RXFP1: variants seen among roughly 807,000 people sequenced by gnomAD.
RXFP1 encodes relaxin receptor 1.
RXFP1 carries 73 observed loss-of-function variants against 89.8 expected under a neutral mutation model. That is an observed-to-expected ratio of 0.81 (90% CI 0.67 to 0.99). The LOEUF (loss-of-function observed/expected upper bound fraction) is 0.99, where lower values mean the gene tolerates loss of function less well. Among genes scored for constraint, RXFP1 ranks in the 50% least tolerant of loss-of-function variants. RXFP1 has a pLI of 0.00. For synonymous variants in RXFP1, 277 were observed against 305.5 expected, an observed-to-expected ratio of 0.91 and a Z score of 0.97; for missense variants, 793 against 895.5, an observed-to-expected ratio of 0.89 and a Z score of 1.46.
intron 1 of RXFP1, among the ~76,000 whole-genome samples, chr4:158,532,967 T>C (rs750105186): frequency 6.6e-6 from 1 of 152,286 alleles, no homozygotes; most frequent in East Asian, 1.9e-4. Context: ...CCTTCTCCCT[T>C]CCCCTACAGA....
intron 10 of RXFP1, among the ~76,000 whole-genome samples, 160 bp downstream of exon 10, chr4:158,627,051 G>A (rs1766996607): frequency 6.6e-6 from 1 of 152,050 alleles, no homozygotes; most frequent in Non-Finnish European, 1.5e-5. Flanking sequence ...CTATAAGAAT[G>A]TTTATCCTTT....
At chr4:158,634,841 A>G (rs1380668282) in intron 12 of RXFP1, among the ~76,000 whole-genome samples, 2 of 152,180 alleles carry the variant, frequency 1.3e-5, no homozygotes, top group Non-Finnish European at 2.9e-5. Flanking sequence ...ATTTGACCAT[A>G]TATCTGTGAG....
Position 158,527,564 on chromosome 4 carries a change from A to AATATATAT in RXFP1, c.49+5546_49+5553dup, listed in dbSNP as rs1553989424. Among the ~76,000 whole-genome samples, 119 of 98,290 alleles carry AATATATAT rather than the reference A, an allele frequency of 1.2e-3. 4 individuals carry two copies. Among genetic ancestry groups the AATATATAT allele is most frequent in the East Asian group, 3.5e-3 (11 of 3,158 alleles). The allele number at this position is 98,290 out of a possible 152,430, so 64.5% of individuals were successfully genotyped here. On this transcript the variant is annotated intron_variant, in intron 1 of 17. Transcript: ENST00000307765. The stretch of plus-strand genomic sequence containing the variant: ...ATCTCCCCCGCTCCAAAAAAAAAAA[A>AATATATAT]ATATATATATATATGTATATATATA...
rs776534679 is a variant in RXFP1, at chr4:158,592,085, G to A, written c.188-1316G>A. ...GATCATTAGGAATTTTGTGAGAAAA[G>A]CTTCTTCCTTTTATCCCACAAATAA... On this transcript the variant is annotated intron_variant, in intron 2 of 17. Transcript: ENST00000307765. Among the ~76,000 whole-genome samples the A allele has an allele frequency of 5.9e-5, 9 of 152,176 alleles. No individual in the cohort carries two copies. The South Asian group carries it at 1.7e-3, about 28-fold the overall frequency.
intron 1 of RXFP1, among the ~76,000 whole-genome samples, chr4:158,552,863 A>G (rs1380420889): frequency 6.6e-6 from 1 of 152,198 alleles, no homozygotes; most frequent in Non-Finnish European, 1.5e-5. Context: ...AGATTTCCAA[A>G]ACTTCAAAAG....
Position 158,602,808 on chromosome 4 carries a change from C to T in RXFP1, c.393-2260C>T, listed in dbSNP as rs375843924. ...TCACTCTGTCGCCCAGGCTAGAGCG[C>T]AGTGGCGCGATCTTGGCTCACTGCA... On this transcript the variant is annotated intron_variant, in intron 4 of 17. Coordinates refer to ENST00000307765, the MANE Select transcript of RXFP1 (RefSeq NM_021634.4). 6.6e-4 allele frequency among the ~76,000 whole-genome samples: 101 copies of T among 152,264 alleles called. No individual in the cohort carries two copies. The South Asian group carries it at 0.02, about 30-fold the overall frequency.
At chr4:158,630,703 T>G (rs1767869954) in intron 11 of RXFP1, among the ~76,000 whole-genome samples, 1 of 152,230 alleles carries the variant, frequency 6.6e-6, no homozygotes, top group South Asian at 2.1e-4. Context: ...TGGACTTTAA[T>G]GCACCTAATC....
intron 3 of RXFP1, 172 bp from the exon 4 acceptor site, chr4:158,599,154 A>T: frequency 9.9e-7 from 1 of 1,005,090 alleles, no homozygotes; most frequent in Non-Finnish European, 1.4e-6. Flanking sequence ...AGGTTAAATT[A>T]AAAGCAAACT....
At chr4:158,627,515 GTGTGTGTGT>G (rs1292601471) in intron 10 of RXFP1, among the ~76,000 whole-genome samples, 15 of 132,622 alleles carry the variant, frequency 1.1e-4, no homozygotes, top group African/African-American at 5.6e-4. Context: ...GTGTGTGTGT[GTGTGTGTGT>G]GTGTGTGTGT....
chr4:158,560,847 G>C lies in RXFP1; in HGVS notation c.50-11851G>C, dbSNP rs541896631. On this transcript the variant is annotated intron_variant, in intron 1 of 17. Coordinates refer to ENST00000307765, the MANE Select transcript of RXFP1 (RefSeq NM_021634.4). Reference sequence around the variant, plus strand: ...AGCAGATGTCTGCCCACGTCTCACTGGTCGGAACTGTGCCCCTTAGACACC... The same window carrying C: ...AGCAGATGTCTGCCCACGTCTCACTCGTCGGAACTGTGCCCCTTAGACACC... Among the ~76,000 whole-genome samples, 6 of 152,292 alleles carry C rather than the reference G, an allele frequency of 3.9e-5. No homozygotes were observed. The East Asian group carries it at 1.2e-3, about 29-fold the overall frequency.
At chr4:158,528,704 T>C (rs78169340) in intron 1 of RXFP1, among the ~76,000 whole-genome samples, 4,900 of 152,318 alleles carry the variant, frequency 0.032, 257 homozygotes, top group African/African-American at 0.11. Flanking sequence ...AGAGGCTTCA[T>C]GTGCCACAGG....
Position 158,582,574 on chromosome 4 carries a change from T to C in RXFP1, c.187+9739T>C, listed in dbSNP as rs569365240. ...AGCACTCTGGGGCTCACAGGAAACA[T>C]TTAGTACACCTGAGCCAGGCTGAGC... is the stretch of plus-strand genomic sequence containing the variant. On this transcript the variant is annotated intron_variant, in intron 2 of 17. Coordinates refer to ENST00000307765, the MANE Select transcript of RXFP1 (RefSeq NM_021634.4). Among the ~76,000 whole-genome samples the C allele has an allele frequency of 2.0e-5, 3 of 152,188 alleles. No homozygotes were observed. In the East Asian group the frequency reaches 5.8e-4, roughly 29 times the overall value.
At chr4:158,617,232 A>G in intron 9 of RXFP1, 27 bp downstream of exon 9, 1 of 1,535,702 alleles carries the variant, frequency 6.5e-7, no homozygotes, top group Non-Finnish European at 8.9e-7. Flanking sequence ...TTTTTTAAAG[A>G]ACTCAACTAA....
At chr4:158,642,663 AT>A (rs1770606388) in intron 14 of RXFP1, among the ~76,000 whole-genome samples, 1 of 151,926 alleles carries the variant, frequency 6.6e-6, no homozygotes, top group Non-Finnish European at 1.5e-5. Flanking sequence ...TATCTACCAC[AT>A]TTTTTTATCC....
At chr4:158,634,705 G>A (rs548325277) in intron 12 of RXFP1, among the ~76,000 whole-genome samples, 1 of 152,212 alleles carries the variant, frequency 6.6e-6, no homozygotes, top group African/African-American at 2.4e-5. Flanking sequence ...GTTAACTTAT[G>A]TACATGGTGT....
At chr4:158,591,608 T>C (rs1329632954) in intron 2 of RXFP1, among the ~76,000 whole-genome samples, 1 of 147,668 alleles carries the variant, frequency 6.8e-6, no homozygotes, top group Non-Finnish European at 1.5e-5. Flanking sequence ...AAAAAATTAG[T>C]CGTGGTGGTG....
chr4:158,531,401 T>C (rs1744009686), intron 1 of RXFP1, among the ~76,000 whole-genome samples: 1 of 152,196 alleles, frequency 6.6e-6, no homozygotes, highest in African/African-American at 2.4e-5. Flanking sequence ...CTCTGTTTCC[T>C]CCAATCACTC....
At chr4:158,608,274 C>A (rs1301589373) in intron 6 of RXFP1, among the ~76,000 whole-genome samples, 1 of 132,210 alleles carries the variant, frequency 7.6e-6, no homozygotes, top group Non-Finnish European at 1.6e-5. Context: ...AATTTGTATT[C>A]CTTTCTTTTT....
intron 1 of RXFP1, among the ~76,000 whole-genome samples, chr4:158,532,754 T>G (rs986374752): frequency 2.0e-5 from 3 of 152,184 alleles, no homozygotes; most frequent in African/African-American, 7.2e-5. Context: ...AGCCCTCAAG[T>G]GTCCTTCCTC....
Sources: allele counts gnomAD v4.1 joint callset (sites outside exome capture counted in the v4.1 genomes callset), GRCh38; gene constraint gnomAD v4.1.1; transcripts MANE v1.5; gene names NCBI Gene and HGNC (gene_info 2026-07-23, HGNC 2026-07-21).